ROBO2: variants seen among roughly 807,000 people sequenced by gnomAD.
ROBO2 encodes roundabout guidance receptor 2, also known as roundabout homolog 2.
Under a neutral mutation model 160.8 loss-of-function variants are expected in ROBO2, and 53 were observed. The ratio of observed to expected loss-of-function variants is 0.33; its 90% confidence interval spans 0.26 to 0.41. ROBO2 has a LOEUF of 0.41. Among genes scored for constraint, ROBO2 ranks in the 10% least tolerant of loss-of-function variants. The probability of loss-of-function intolerance (pLI) is 1.00; values close to 1 mark genes in which losing one functional copy is unlikely to be tolerated. For synonymous variants in ROBO2, 664 were observed against 611.7 expected, an observed-to-expected ratio of 1.09 and a Z score of -1.26; for missense variants, 1,577 against 1,722.4, an observed-to-expected ratio of 0.92 and a Z score of 1.49.
At chr3:76,018,725 G>C (rs1369729895) in intron 2 of ROBO2, among the ~76,000 whole-genome samples, 1 of 151,782 alleles carries the variant, frequency 6.6e-6, no homozygotes, top group Non-Finnish European at 1.5e-5. Context: ...CACATGGTTA[G>C]TTTCTCTCTG....
rs190285701 is a variant in ROBO2 at position 76,120,232 on chromosome 3, C to T, written c.109+182630C>T. Among the ~76,000 whole-genome samples, 864 of 152,104 alleles carry T rather than the reference C, an allele frequency of 5.7e-3. 11 individuals carry two copies. The highest frequency in any genetic ancestry group is 0.044 in the South Asian group (212 of 4,820). ...GGCCAGGCTGATCTTGAACTCCTGA[C>T]CTCAGGTGATCCGCCCACCTCGGCC... On this transcript the variant is annotated intron_variant, in intron 2 of 26. Transcript: ENST00000487694.
chr3:77,018,504 A>G (rs772606509), intron 2 of ROBO2, among the ~76,000 whole-genome samples: 55 of 152,186 alleles, frequency 3.6e-4, no homozygotes, highest in Non-Finnish European at 7.1e-4. Flanking sequence ...ACTTTTCACT[A>G]CAAGGCTATA....
At chr3:76,112,894 T>C (rs893140509) in intron 2 of ROBO2, among the ~76,000 whole-genome samples, 2 of 152,124 alleles carry the variant, frequency 1.3e-5, no homozygotes, top group Non-Finnish European at 2.9e-5. Flanking sequence ...TTCTAAAATG[T>C]AAATCAATTC....
intron 2 of ROBO2, among the ~76,000 whole-genome samples, chr3:77,384,160 T>A (rs1360768587): frequency 6.6e-6 from 1 of 152,182 alleles, no homozygotes; most frequent in African/African-American, 2.4e-5. Context: ...GATGTTTGGG[T>A]GGAGACTAGT....
Position 76,392,123 on chromosome 3 carries a change from G to A in ROBO2, c.109+454521G>A, listed in dbSNP as rs555484062. On this transcript the variant is annotated intron_variant, in intron 2 of 26. Transcript: ENST00000487694. ...TTACTTAATAAGATTTTCTTTTTCTGTATATATTTATGCCTAATTATGAAG... is the reference window on the plus strand; with the variant it reads ...TTACTTAATAAGATTTTCTTTTTCTATATATATTTATGCCTAATTATGAAG... 1.3e-3 allele frequency among the ~76,000 whole-genome samples: 203 copies of A among 152,118 alleles called. 1 individual carries two copies. The highest frequency in any genetic ancestry group is 7.4e-3 in the Admixed American group (113 of 15,276).
chr3:77,207,795 A>G (rs2083616292), intron 2 of ROBO2, among the ~76,000 whole-genome samples: 1 of 152,320 alleles, frequency 6.6e-6, no homozygotes, highest in East Asian at 1.9e-4. Flanking sequence ...GATTCACTGC[A>G]TCTGAGTTTA....
chr3:77,322,937 ATATAT>A (rs376652064), intron 2 of ROBO2, among the ~76,000 whole-genome samples: 4 of 1,940 alleles, frequency 2.1e-3, no homozygotes, highest in South Asian at 0.012. Flanking sequence ...GGATAATATA[ATATAT>A]TATATTATAT....
intron 2 of ROBO2, among the ~76,000 whole-genome samples, chr3:77,350,104 T>C (rs1463982533): frequency 6.6e-6 from 1 of 151,146 alleles, no homozygotes; most frequent in Non-Finnish European, 1.5e-5. Flanking sequence ...CATTCATATA[T>C]ATATAATATA....
chr3:76,062,163 C>T (rs370873990), intron 2 of ROBO2, among the ~76,000 whole-genome samples: 183 of 152,194 alleles, frequency 1.2e-3, no homozygotes, highest in African/African-American at 3.7e-3. Flanking sequence ...TTGGGGGATA[C>T]GGCCTAGTTC....
chr3:76,098,620 TTGA>T (rs2069553138), intron 2 of ROBO2, among the ~76,000 whole-genome samples: 1 of 31,670 alleles, frequency 3.2e-5, no homozygotes, highest in Non-Finnish European at 8.0e-5. Flanking sequence ...TATTGTTTGA[TTGA>T]TATATATAAA....
intron 2 of ROBO2, among the ~76,000 whole-genome samples, chr3:76,209,258 C>T (rs1702994355): frequency 6.6e-6 from 1 of 152,132 alleles, no homozygotes; most frequent in Non-Finnish European, 1.5e-5. Context: ...CCTGTCAGAC[C>T]TACCTAGATA....
chr3:77,507,387 G>A (rs1043172970), intron 5 of ROBO2, among the ~76,000 whole-genome samples: 7 of 152,154 alleles, frequency 4.6e-5, no homozygotes, highest in Non-Finnish European at 8.8e-5. Flanking sequence ...AAGACAGCAA[G>A]GTCGCCAAAT....
chr3:76,908,615 C>T (rs1037844258), intron 2 of ROBO2, among the ~76,000 whole-genome samples: 4 of 152,212 alleles, frequency 2.6e-5, no homozygotes, highest in Admixed American at 6.5e-5. Context: ...AATCCTTTTA[C>T]GAACAACTGC....
At chr3:77,082,043 CG>C (rs1302776182) in intron 1 of ROBO2, among the ~76,000 whole-genome samples, 1 of 152,026 alleles carries the variant, frequency 6.6e-6, no homozygotes, top group Non-Finnish European at 1.5e-5. Flanking sequence ...AATGCAGAGC[CG>C]GTATTTCTAA....
At chr3:77,505,120 A>C in intron 5 of ROBO2, among the ~76,000 whole-genome samples, 1 of 152,172 alleles carries the variant, frequency 6.6e-6, no homozygotes, top group East Asian at 1.9e-4. Flanking sequence ...ATACACCATA[A>C]AATGGGGATT....
intron 2 of ROBO2, among the ~76,000 whole-genome samples, chr3:77,356,589 G>T (rs2069165665): frequency 1.3e-5 from 2 of 152,100 alleles, no homozygotes; most frequent in Non-Finnish European, 2.9e-5. Context: ...AGAAAAACTT[G>T]CAAATTGATT....
At chr3:76,882,063 G>A (rs1005081614) in intron 2 of ROBO2, among the ~76,000 whole-genome samples, 1 of 149,724 alleles carries the variant, frequency 6.7e-6, no homozygotes, top group Non-Finnish European at 1.5e-5. Context: ...GATCACCACT[G>A]TGTCTGTTGG....
chr3:76,846,434 T>C (rs921035005), intron 2 of ROBO2, among the ~76,000 whole-genome samples: 20 of 152,234 alleles, frequency 1.3e-4, no homozygotes, highest in Middle Eastern at 3.4e-3. Flanking sequence ...ATAATGTGCA[T>C]ATGAGAAACA....
intron 1 of ROBO2, among the ~76,000 whole-genome samples, chr3:75,935,876 A>T (rs1277505670): frequency 6.6e-6 from 1 of 152,190 alleles, no homozygotes; most frequent in Non-Finnish European, 1.5e-5. Context: ...AGTCTCCACA[A>T]GAGTACCCAT....
Sources: gnomAD v4.1 joint callset for allele counts (sites outside exome capture counted in the v4.1 genomes callset) on GRCh38, gnomAD v4.1.1 for gene constraint, MANE v1.5 for transcripts, NCBI Gene and HGNC (gene_info 2026-07-23, HGNC 2026-07-21) for gene names.